CDH13: variants seen among roughly 807,000 people sequenced by gnomAD.
CDH13 encodes the protein cadherin 13.
CDH13 carries 24 observed loss-of-function variants against 63.8 expected under a neutral mutation model. The ratio of observed to expected loss-of-function variants is 0.38; its 90% CI spans 0.27 to 0.53. The LOEUF (loss-of-function observed/expected upper bound fraction) is 0.53. Among genes scored for constraint, CDH13 ranks in the 20% least tolerant of loss-of-function variants. The probability of loss-of-function intolerance (pLI) is 0.85; values close to 1 mark genes in which losing one functional copy is unlikely to be tolerated. For missense variants in CDH13, 1,049 were observed against 903.1 expected, an observed-to-expected ratio of 1.16 and a Z score of -2.07; for synonymous variants, 503 against 355.3, an observed-to-expected ratio of 1.42 and a Z score of -4.67.
chr16:82,749,744 AT>A (rs1567496723), intron 1 of CDH13, among the ~76,000 whole-genome samples: 1 of 152,002 alleles, frequency 6.6e-6, no homozygotes, highest in Admixed American at 6.6e-5. Context: ...CTTGACAGTC[AT>A]TTTTTGCTTC....
chr16:83,379,938 T>TATATGTATATAGAGAGAGAG, intron 6 of CDH13, among the ~76,000 whole-genome samples: 1 of 123,462 alleles, frequency 8.1e-6, no homozygotes, highest in Non-Finnish European at 1.6e-5. Flanking sequence ...TATATATATA[T>TATATGTATATAGAGAGAGAG]AGAGAGAGAG....
chr16:83,714,531 C>T (rs1048242226), intron 10 of CDH13, among the ~76,000 whole-genome samples: 1 of 152,272 alleles, frequency 6.6e-6, no homozygotes, highest in East Asian at 1.9e-4. Flanking sequence ...AGTAACTAAC[C>T]ATGTGATGCT....
chr16:83,424,662 T>G (rs995332710), intron 6 of CDH13, among the ~76,000 whole-genome samples: 1 of 152,226 alleles, frequency 6.6e-6, no homozygotes, highest in African/African-American at 2.4e-5. Context: ...ATAAATGGTT[T>G]TGCAAGAATG....
At chr16:83,532,982 CAG>C (rs2075113134) in intron 7 of CDH13, among the ~76,000 whole-genome samples, 1 of 152,226 alleles carries the variant, frequency 6.6e-6, no homozygotes, top group Admixed American at 6.5e-5. Context: ...CTCGTGGTGA[CAG>C]AGCTCTCTGT....
At chr16:83,352,063 G>C (rs776562516) in intron 6 of CDH13, among the ~76,000 whole-genome samples, 4 of 152,168 alleles carry the variant, frequency 2.6e-5, no homozygotes, top group Non-Finnish European at 4.4e-5. Context: ...GTCATCACTG[G>C]AATTTTAGTG....
chr16:82,817,118 C>G (rs1055609309), intron 1 of CDH13, among the ~76,000 whole-genome samples: 16 of 152,108 alleles, frequency 1.1e-4, no homozygotes, highest in Admixed American at 9.8e-4. Context: ...ACCCTGAAGT[C>G]CCATTCTGTA....
intron 5 of CDH13, among the ~76,000 whole-genome samples, chr16:83,265,268 C>T (rs1359521064): frequency 6.6e-6 from 1 of 152,198 alleles, no homozygotes; most frequent in East Asian, 1.9e-4. Context: ...TTGTCCTGTA[C>T]TGAGTCTCCT....
Position 83,075,443 on chromosome 16 carries a change from G to C in CDH13, c.366+43225G>C, listed in dbSNP as rs115344360. ...CCAGTCATTTTCCTGTCTTAACCTT[G>C]GGGTGAAGGACAATGTTCTTGACCT... is the stretch of plus-strand genomic sequence containing the variant. On this transcript the variant is annotated intron_variant, in intron 3 of 13. Coordinates refer to ENST00000567109, the MANE Select transcript of CDH13 (RefSeq NM_001257.5). Among the ~76,000 whole-genome samples, 605 of 152,288 alleles carry C rather than the reference G, an allele frequency of 4.0e-3. 3 individuals are homozygous for C. Among genetic ancestry groups the C allele is most frequent in the African/African-American group, 0.014 (581 of 41,546 alleles).
At chr16:83,387,427 A>G (rs1166229534) in intron 6 of CDH13, among the ~76,000 whole-genome samples, 1 of 152,198 alleles carries the variant, frequency 6.6e-6, no homozygotes, top group East Asian at 1.9e-4. Flanking sequence ...AGTGGAGCTC[A>G]AAATGGATAT....
chr16:83,545,974 G>C (rs1194489963), intron 7 of CDH13, among the ~76,000 whole-genome samples: 1 of 152,174 alleles, frequency 6.6e-6, no homozygotes, highest in South Asian at 2.1e-4. Context: ...TAGAGCCATT[G>C]TTCTAGCTGG....
intron 10 of CDH13, chr16:83,717,858 C>T (rs1909156175): frequency 6.6e-6 from 1 of 152,204 alleles, no homozygotes; most frequent in Non-Finnish European, 1.5e-5. Context: ...CACGCAAACC[C>T]CATTCAGTTC....
At chr16:83,475,067 G>C (rs138330770) in intron 6 of CDH13, among the ~76,000 whole-genome samples, 20 of 152,338 alleles carry the variant, frequency 1.3e-4, no homozygotes, top group African/African-American at 4.8e-4. Context: ...ACCACGACTG[G>C]CTGCGTGATT....
intron 10 of CDH13, among the ~76,000 whole-genome samples, chr16:83,690,888 A>C (rs187797147): frequency 6.6e-6 from 1 of 151,826 alleles, no homozygotes; most frequent in South Asian, 2.1e-4. Flanking sequence ...CACCCAGCTA[A>C]TTTTTGTATT....
Position 83,197,189 on chromosome 16 carries a change from T to A in CDH13, c.484-20156T>A, listed in dbSNP as rs181958653. Among the ~76,000 whole-genome samples, 55 of 152,246 alleles carry A rather than the reference T, an allele frequency of 3.6e-4. 1 individual carries two copies. The East Asian group carries it at 0.01, about 29-fold the overall frequency. ...TGAATGAAAATGCTAATCCCAGAGGTTGCATACTATATGATTCCATTTATA... is the reference window on the plus strand; with the variant it reads ...TGAATGAAAATGCTAATCCCAGAGGATGCATACTATATGATTCCATTTATA... On this transcript the variant is annotated intron_variant, in intron 4 of 13. Transcript: ENST00000567109.
At chr16:83,415,715 T>A (rs1383448554) in intron 6 of CDH13, among the ~76,000 whole-genome samples, 1 of 152,002 alleles carries the variant, frequency 6.6e-6, no homozygotes, top group African/African-American at 2.4e-5. Flanking sequence ...CCTTTCATGA[T>A]AAAAACTCTC....
intron 2 of CDH13, among the ~76,000 whole-genome samples, chr16:82,940,258 C>G (rs1567679200): frequency 6.6e-6 from 1 of 152,188 alleles, no homozygotes; most frequent in Non-Finnish European, 1.5e-5. Flanking sequence ...GGTTCCGTCA[C>G]TTGAATACGT....
chr16:83,522,904 T>C (rs1265217330), intron 7 of CDH13, among the ~76,000 whole-genome samples: 2 of 152,206 alleles, frequency 1.3e-5, no homozygotes, highest in African/African-American at 4.8e-5. Context: ...CTCTTCCCAG[T>C]GTGACTCCAG....
At chr16:82,628,986 G>A (rs1907687750) in intron 1 of CDH13, among the ~76,000 whole-genome samples, 1 of 152,226 alleles carries the variant, frequency 6.6e-6, no homozygotes, top group African/African-American at 2.4e-5. Flanking sequence ...TGCCAGTCTG[G>A]GAGCTGTCGG....
chr16:83,054,254 A>G (rs1279042139), intron 3 of CDH13, among the ~76,000 whole-genome samples: 2 of 152,242 alleles, frequency 1.3e-5, no homozygotes, highest in African/African-American at 4.8e-5. Flanking sequence ...TGCTTTTCCT[A>G]TACATATGCA....
Sources: allele counts gnomAD v4.1 joint callset (sites outside exome capture counted in the v4.1 genomes callset), GRCh38; gene constraint gnomAD v4.1.1; transcripts MANE v1.5; gene names NCBI Gene and HGNC (gene_info 2026-07-23, HGNC 2026-07-21).